Variants in RIMS1 observed in about 807,000 individuals in gnomAD.
RIMS1 encodes the protein regulating synaptic membrane exocytosis 1.
RIMS1 carries 83 observed loss-of-function variants against 214.1 expected under a neutral mutation model. That is an observed-to-expected ratio of 0.39 (90% CI 0.32 to 0.47). The LOEUF (loss-of-function observed/expected upper bound fraction) is 0.47, where lower values mean the gene tolerates loss of function less well. Ranked by LOEUF, RIMS1 falls within the 20% of genes least tolerant of loss-of-function variation. The probability of loss-of-function intolerance (pLI) is 0.99; values close to 1 mark genes in which losing one functional copy is unlikely to be tolerated. For synonymous variants in RIMS1, 793 were observed against 786.8 expected, an observed-to-expected ratio of 1.01 and a Z score of -0.13; for missense variants, 2,050 against 2,161.8, an observed-to-expected ratio of 0.95 and a Z score of 1.03.
chr6:72,233,691 A>C lies in RIMS1; in HGVS notation c.1679-82A>C, dbSNP rs752527668. On this transcript the variant is annotated intron_variant, in intron 6 of 33. Transcript: ENST00000521978. ...CAAGCTTATGATATTAAAACTCTTT[A>C]TAGATCGAAGAAGTAAAGCTTAAAG... 129 of 1,003,984 alleles carry C rather than the reference A, an allele frequency of 1.3e-4. 1 individual carries two copies. The highest frequency in any genetic ancestry group is 1.8e-4 in the Non-Finnish European group (119 of 647,660). The allele number at this position is 1,003,984 out of a possible 1,614,324, so 62.2% of individuals were successfully genotyped here. A position where few individuals can be genotyped will look rare whatever the true frequency, so the allele number is the denominator to read the frequency against.
At chr6:72,389,586 G>C (rs1398709156) in intron 29 of RIMS1, among the ~76,000 whole-genome samples, 1 of 152,038 alleles carries the variant, frequency 6.6e-6, no homozygotes, top group Non-Finnish European at 1.5e-5. Context: ...GTTTTATGTG[G>C]ATTGAAAAGT....
At chr6:72,288,348 A>G (rs1273926349) in intron 24 of RIMS1, among the ~76,000 whole-genome samples, 1 of 152,254 alleles carries the variant, frequency 6.6e-6, no homozygotes, top group Non-Finnish European at 1.5e-5. Flanking sequence ...ACATATATGC[A>G]TGAATACATG....
chr6:72,232,313 A>G (rs1167496391), intron 6 of RIMS1, among the ~76,000 whole-genome samples: 3 of 151,632 alleles, frequency 2.0e-5, no homozygotes, highest in Non-Finnish European at 3.0e-5. Flanking sequence ...AGTAATTTCA[A>G]TTTTATTAAT....
chr6:72,029,998 C>T (rs868529298), intron 2 of RIMS1, among the ~76,000 whole-genome samples: 15 of 152,054 alleles, frequency 9.9e-5, no homozygotes, highest in Non-Finnish European at 2.1e-4. Flanking sequence ...GATTTGGCCT[C>T]GAGAAGTCAC....
chr6:72,263,127 T>A lies in RIMS1; in HGVS notation c.3117-1848T>A, dbSNP rs965898749. On this transcript the variant is annotated intron_variant, in intron 19 of 33. Coordinates refer to ENST00000521978, the MANE Select transcript of RIMS1 (RefSeq NM_014989.7). ...ATGAGATGTTTCACCAATAAGAGTT[T>A]TTGTGAGTCAAATACATTTTGGAAA... 3 of 984,566 alleles carry A rather than the reference T, an allele frequency of 3.0e-6. No individual in the cohort carries two copies. The East Asian group carries it at 3.4e-4, about 112-fold the overall frequency. The allele number at this position is 984,566 out of a possible 1,614,324, so 61.0% of individuals were successfully genotyped here. A position where few individuals can be genotyped will look rare whatever the true frequency, so the allele number is the denominator to read the frequency against.
chr6:72,246,058 T>C (rs773835049), intron 11 of RIMS1, among the ~76,000 whole-genome samples, 197 bp downstream of exon 11: 1 of 152,138 alleles, frequency 6.6e-6, no homozygotes, highest in Non-Finnish European at 1.5e-5. Flanking sequence ...CTTCCTCTAC[T>C]TTTTTATGTG....
At chr6:72,240,459 GTA>G (rs149172560) in intron 9 of RIMS1, among the ~76,000 whole-genome samples, 6 of 150,922 alleles carry the variant, frequency 4.0e-5, no homozygotes, top group South Asian at 4.2e-4. Flanking sequence ...GTTTTTTAGT[GTA>G]TATATATATG....
chr6:72,082,457 T>C (rs1235488197), intron 2 of RIMS1, among the ~76,000 whole-genome samples: 1 of 152,086 alleles, frequency 6.6e-6, no homozygotes. Context: ...GAGGAAGAGG[T>C]GGAGTCTTTG....
At chr6:71,936,925 A>G (rs1784621180) in intron 1 of RIMS1, among the ~76,000 whole-genome samples, 1 of 152,228 alleles carries the variant, frequency 6.6e-6, no homozygotes, top group Non-Finnish European at 1.5e-5. Flanking sequence ...CAGTCAGGGA[A>G]GACTAAAGTA....
At chr6:72,136,987 T>C (rs1469513983) in intron 4 of RIMS1, among the ~76,000 whole-genome samples, 1 of 152,036 alleles carries the variant, frequency 6.6e-6, no homozygotes, top group Non-Finnish European at 1.5e-5. Context: ...TAGTCTTGGA[T>C]GTTTTAGTTA....
chr6:71,952,722 C>G (rs1481951766), intron 1 of RIMS1, among the ~76,000 whole-genome samples: 4 of 152,098 alleles, frequency 2.6e-5, no homozygotes, highest in African/African-American at 9.7e-5. Flanking sequence ...GATTCTGGAG[C>G]AGAGAGGAGA....
At chr6:72,340,750 TG>T (rs1461825459) in intron 29 of RIMS1, among the ~76,000 whole-genome samples, 6 of 152,116 alleles carry the variant, frequency 3.9e-5, no homozygotes, top group Admixed American at 6.6e-5. Context: ...GGCTTAGGGT[TG>T]ACTTGGCAAT....
chr6:71,912,901 C>A (rs945232051), intron 1 of RIMS1, among the ~76,000 whole-genome samples: 7 of 152,078 alleles, frequency 4.6e-5, no homozygotes, highest in Admixed American at 1.3e-4. Context: ...AAGACCAATA[C>A]CTTTATTTCA....
intron 9 of RIMS1, among the ~76,000 whole-genome samples, chr6:72,239,861 A>G (rs148769455): frequency 2.6e-5 from 4 of 152,236 alleles, no homozygotes; most frequent in Non-Finnish European, 5.9e-5. Flanking sequence ...TTTCCCACCT[A>G]GAAGATGTGG....
intron 4 of RIMS1, among the ~76,000 whole-genome samples, chr6:72,176,713 G>A (rs1195482645): frequency 7.6e-6 from 1 of 131,848 alleles, no homozygotes; most frequent in Non-Finnish European, 1.6e-5. Flanking sequence ...GAATTATACA[G>A]TATTTTACTA....
chr6:72,394,908 T>C (rs867558918), intron 31 of RIMS1, among the ~76,000 whole-genome samples: 2 of 151,898 alleles, frequency 1.3e-5, no homozygotes, highest in Admixed American at 1.3e-4. Context: ...TTTTCAGAGA[T>C]AAAGTATCAT....
chr6:71,979,523 C>T lies in RIMS1; in HGVS notation c.245+10460C>T, dbSNP rs1189389734. ...ATAAATATTGTCCATATATTCTACT[C>T]AAGTAGCAGTGAAAAATCTCTACAT... On this transcript the variant is annotated intron_variant, in intron 2 of 33. Coordinates refer to ENST00000521978, the MANE Select transcript of RIMS1 (RefSeq NM_014989.7). Among the ~76,000 whole-genome samples, 4 of 152,054 alleles carry T rather than the reference C, an allele frequency of 2.6e-5. 1 individual carries two copies. Among genetic ancestry groups the T allele is most frequent in the Admixed American group, 2.6e-4 (4 of 15,222 alleles).
intron 1 of RIMS1, among the ~76,000 whole-genome samples, chr6:71,922,728 G>T (rs1287808602): frequency 6.6e-6 from 1 of 152,214 alleles, no homozygotes; most frequent in Non-Finnish European, 1.5e-5. Flanking sequence ...AGCTCGTATA[G>T]TTTATTCCTA....
intron 28 of RIMS1, among the ~76,000 whole-genome samples, chr6:72,321,881 T>C (rs2096190262): frequency 6.6e-6 from 1 of 152,142 alleles, no homozygotes. Context: ...CAAGGCCTAC[T>C]CATTTTACTT....
Sources: gnomAD v4.1 joint callset for allele counts (sites outside exome capture counted in the v4.1 genomes callset) on GRCh38, gnomAD v4.1.1 for gene constraint, MANE v1.5 for transcripts, NCBI Gene and HGNC (gene_info 2026-07-23, HGNC 2026-07-21) for gene names.